Variants in MED13L observed in about 807,000 individuals in gnomAD.
MED13L encodes the protein mediator complex subunit 13L.
MED13L carries 7 observed loss-of-function variants against 220.9 expected under a neutral mutation model. That is an observed-to-expected ratio of 0.03 (90% CI 0.02 to 0.06). MED13L has a LOEUF of 0.06. Among genes scored for constraint, MED13L ranks in the 10% least tolerant of loss-of-function variants. The pLI is 1.00. For missense variants in MED13L, 1,965 were observed against 2,760.5 expected, an observed-to-expected ratio of 0.71 and a Z score of 6.46; for synonymous variants, 1,011 against 1,015.2, an observed-to-expected ratio of 1.00 and a Z score of 0.08.
intron 4 of MED13L, among the ~76,000 whole-genome samples, chr12:116,095,772 T>C (rs1269995043): frequency 1.3e-5 from 2 of 152,218 alleles, no homozygotes; most frequent in African/African-American, 4.8e-5. Context: ...ACTACATGTG[T>C]GCTACATTCA....
At chr12:116,183,825 T>TGTGTGC (rs1319709611) in intron 2 of MED13L, among the ~76,000 whole-genome samples, 1 of 151,252 alleles carries the variant, frequency 6.6e-6, no homozygotes, top group Non-Finnish European at 1.5e-5. Context: ...TGTGTATGTG[T>TGTGTGC]GTGTGTGTGT....
intron 4 of MED13L, among the ~76,000 whole-genome samples, chr12:116,066,506 A>T (rs956462893): frequency 6.6e-6 from 1 of 152,120 alleles, no homozygotes; most frequent in Non-Finnish European, 1.5e-5. Context: ...CTCAAACTTC[A>T]TTATTGTGCT....
Position 115,986,329 on chromosome 12 carries a change from T to C in MED13L, c.4275A>G (p.Pro1425=), listed in dbSNP as rs112942800. 61 of 1,614,172 alleles carry C rather than the reference T, an allele frequency of 3.8e-5. 7 individuals carry two copies. In the African/African-American group the frequency reaches 4.1e-4, roughly 11 times the overall value. ...HRDVAYIVVC[P]ENEALLEGAK... ...CTCCTTCGAGCAAGGCCTCATTTTC[T>C]GGACACACCACAATATAGGCAACAT... Residue 1425 remains proline, a synonymous_variant, in exon 19 of 31, where the codon CCA becomes CCG. Coordinates refer to ENST00000281928, the MANE Select transcript of MED13L (RefSeq NM_015335.5).
At chr12:116,172,806 C>T (rs941315986) in intron 2 of MED13L, among the ~76,000 whole-genome samples, 9 of 151,780 alleles carry the variant, frequency 5.9e-5, no homozygotes, top group African/African-American at 1.9e-4. Flanking sequence ...AACCTCATAA[C>T]CTGGTTGGTA....
At chr12:115,980,141 C>T (rs1478542132) in intron 23 of MED13L, among the ~76,000 whole-genome samples, 6 of 151,742 alleles carry the variant, frequency 4.0e-5, no homozygotes, top group Admixed American at 6.6e-5. Context: ...CACAGATTAG[C>T]TTAGAAAAAT....
intron 1 of MED13L, among the ~76,000 whole-genome samples, chr12:116,256,297 A>G (rs1413634374): frequency 6.6e-6 from 1 of 152,090 alleles, no homozygotes; most frequent in Non-Finnish European, 1.5e-5. Context: ...TAGCAAAAAA[A>G]AAAAAAAACC....
Position 116,007,643 on chromosome 12 carries a change from G to GAAAAAAA in MED13L, c.2013-8_2013-7insTTTTTTT. On this transcript the variant is annotated splice_polypyrimidine_tract_variant and splice_region_variant and intron_variant, in intron 10 of 30. Coordinates refer to ENST00000281928, the MANE Select transcript of MED13L (RefSeq NM_015335.5). ...GTTAGGTTGTGCTAAGAGTCTAAAAGACAAAAAAAAAAAAAAAAAAAAGAG... is the reference window on the plus strand; with the variant it reads ...GTTAGGTTGTGCTAAGAGTCTAAAAGAAAAAAAACAAAAAAAAAAAAAAAAAAAAGAG... The GAAAAAAA allele has an allele frequency of 2.4e-5, 7 of 290,130 alleles. No individual in the cohort carries two copies. Among genetic ancestry groups the GAAAAAAA allele is most frequent in the East Asian group, 1.3e-4 (2 of 15,594 alleles). The allele number at this position is 290,130 out of a possible 1,614,324, so 18.0% of individuals were successfully genotyped here. A position where few individuals can be genotyped will look rare whatever the true frequency, so the allele number is the denominator to read the frequency against.
At chr12:116,235,000 T>C (rs935382450) in intron 2 of MED13L, among the ~76,000 whole-genome samples, 1 of 152,150 alleles carries the variant, frequency 6.6e-6, no homozygotes, top group Non-Finnish European at 1.5e-5. Context: ...GACTCAAATA[T>C]ATTAGAGAAT....
Position 116,230,395 on chromosome 12 carries a change from G to A in MED13L, c.310+7073C>T, listed in dbSNP as rs530454076. 76 of 795,394 alleles carry A rather than the reference G, an allele frequency of 9.6e-5. No individual in the cohort carries two copies. The East Asian group carries it at 3.0e-3, about 32-fold the overall frequency. The allele number at this position is 795,394 out of a possible 1,614,324, so 49.3% of individuals were successfully genotyped here. ...AGCCTGGGTGACAAAGTGAGACTCC[G>A]TCTCAACAACAATAAAAAAAAGTAA... On this transcript the variant is annotated intron_variant, in intron 2 of 30. Transcript: ENST00000281928.
chr12:116,053,534 A>G (rs1373037354), intron 4 of MED13L, among the ~76,000 whole-genome samples: 1 of 152,200 alleles, frequency 6.6e-6, no homozygotes, highest in East Asian at 1.9e-4. Context: ...TTGAGTGTTT[A>G]CTTTGCCAGG....
chr12:116,105,362 G>A (rs576418451), intron 3 of MED13L, among the ~76,000 whole-genome samples: 1 of 152,260 alleles, frequency 6.6e-6, no homozygotes, highest in Admixed American at 6.5e-5. Flanking sequence ...CTCTACATAA[G>A]TAAAAACTAC....
chr12:116,054,149 C>T (rs1868744500), intron 4 of MED13L, among the ~76,000 whole-genome samples: 1 of 152,012 alleles, frequency 6.6e-6, no homozygotes, highest in Non-Finnish European at 1.5e-5. Context: ...CCAAAGATTT[C>T]ATTTGAAAAA....
chr12:116,140,819 T>C (rs778791482), intron 2 of MED13L, among the ~76,000 whole-genome samples: 3 of 152,182 alleles, frequency 2.0e-5, no homozygotes, highest in Non-Finnish European at 4.4e-5. Flanking sequence ...GGCTTCTAAC[T>C]AAAGTCCATC....
intron 4 of MED13L, among the ~76,000 whole-genome samples, chr12:116,078,270 T>C (rs962619664): frequency 1.7e-4 from 26 of 152,286 alleles, no homozygotes; most frequent in South Asian, 1.4e-3. Flanking sequence ...CCAGTCTCTA[T>C]GCAATTTTGT....
chr12:115,982,510 G>C lies in MED13L; in HGVS notation c.5049C>G (p.Asp1683Glu). 6.2e-7 allele frequency: 1 copy of C among 1,614,142 alleles called. No homozygotes were observed. Among genetic ancestry groups the C allele is most frequent in the Non-Finnish European group, 8.5e-7 (1 of 1,180,000 alleles). Reference sequence around the variant, plus strand: ...CCTCCTCTGCAGCATACGTGAACGGGTCCACCATGTAAATGACAACAGCTG... The same window carrying C: ...CCTCCTCTGCAGCATACGTGAACGGCTCCACCATGTAAATGACAACAGCTG... ...HPPAVVIYMV[D>E]PFTYAAEEDS... is the part of the protein sequence containing the mutation. Residue 1683 changes from aspartate to glutamate, a missense_variant, in exon 22 of 31, where the codon GAC (aspartate) becomes GAG (glutamate). Physicochemically the swap from Asp to Glu is conservative, Grantham distance 45 (BLOSUM62 2). Transcript: ENST00000281928.
At chr12:116,167,906 A>G (rs940760251) in intron 2 of MED13L, among the ~76,000 whole-genome samples, 7 of 152,216 alleles carry the variant, frequency 4.6e-5, no homozygotes, top group African/African-American at 1.7e-4. Context: ...AGTTTATTTA[A>G]TGATGTTTAT....
At chr12:116,239,413 T>C (rs143789565) in intron 1 of MED13L, among the ~76,000 whole-genome samples, 36 of 152,340 alleles carry the variant, frequency 2.4e-4, no homozygotes, top group African/African-American at 8.4e-4. Context: ...CATCCTACTG[T>C]ATATGTCCTT....
chr12:116,134,559 A>T (rs73200215), intron 2 of MED13L, among the ~76,000 whole-genome samples: 19,316 of 152,154 alleles, frequency 0.13, 1,634 homozygotes, highest in Middle Eastern at 0.2. Context: ...AGGGGCTGAA[A>T]ATTCAGCAGT....
intron 9 of MED13L, among the ~76,000 whole-genome samples, chr12:116,012,378 G>A (rs1001030723): frequency 1.6e-4 from 25 of 152,114 alleles, no homozygotes; most frequent in Admixed American, 1.5e-3. Flanking sequence ...TACCTGTCTC[G>A]ATCAAAAAAC....
Sources: allele counts gnomAD v4.1 joint callset (sites outside exome capture counted in the v4.1 genomes callset), GRCh38; gene constraint gnomAD v4.1.1; transcripts MANE v1.5; gene names NCBI Gene and HGNC (gene_info 2026-07-23, HGNC 2026-07-21).